The following IL2 variants were observed in gnomAD, a reference collection of about 807,000 sequenced individuals.
The protein encoded by IL2 is interleukin-2.
Under a neutral mutation model 14.6 loss-of-function variants are expected in IL2, and 3 were observed. The observed-to-expected ratio is 0.21, with a 90% CI of 0.09 to 0.53. The LOEUF is 0.53. Among genes scored for constraint, IL2 ranks in the 20% least tolerant of loss-of-function variants. IL2 has a pLI of 0.95. For synonymous variants in IL2, 71 were observed against 60.0 expected (o/e 1.18, Z -0.85); for missense variants, 125 against 170.8 (o/e 0.73, Z 1.50).
chr4:122,452,667 A>G (rs1275708998), intron 3 of IL2, among the ~76,000 whole-genome samples: 3 of 152,016 alleles, frequency 2.0e-5, no homozygotes, highest in African/African-American at 7.2e-5. Flanking sequence ...AGCAGGTGAG[A>G]TAGAGTGTTC....
At chr4:122,454,754 A>G (rs1560620681) in intron 2 of IL2, among the ~76,000 whole-genome samples, 1 of 151,846 alleles carries the variant, frequency 6.6e-6, no homozygotes, top group Non-Finnish European at 1.5e-5. Flanking sequence ...AGTTTCTAAA[A>G]TCTTTTGTAA....
intron 3 of IL2, among the ~76,000 whole-genome samples, chr4:122,452,535 G>T (rs910559062): frequency 6.6e-6 from 1 of 151,984 alleles, no homozygotes; most frequent in Admixed American, 6.6e-5. Context: ...AGGCTTCTCT[G>T]CTGAAAGGAG....
intron 3 of IL2, among the ~76,000 whole-genome samples, chr4:122,453,166 G>A (rs1797692985): frequency 6.6e-6 from 1 of 151,760 alleles, no homozygotes; most frequent in Admixed American, 6.6e-5. Flanking sequence ...TGCTTCCTGT[G>A]CATTTAAAAA....
intron 2 of IL2, among the ~76,000 whole-genome samples, chr4:122,455,016 T>G (rs1376893474): frequency 1.3e-5 from 2 of 151,844 alleles, no homozygotes; most frequent in Admixed American, 1.3e-4. Context: ...GTGGAGAAAT[T>G]TTCTTCAGAA....
rs763308059 is a variant in IL2, at chr4:122,456,488, AG to A, written c.-49del. The A allele has an allele frequency of 2.0e-6, 3 of 1,475,836 alleles. No individual in the cohort carries two copies. Among genetic ancestry groups the A allele is most frequent in the African/African-American group, 1.4e-5 (1 of 71,390 alleles). The allele number at this position is 1,475,836 out of a possible 1,614,324, so 91.4% of individuals were successfully genotyped here. On this transcript the variant is annotated 5_prime_UTR_variant, in exon 1 of 4. Transcript: ENST00000226730. Reference sequence around the variant, plus strand: ...GTGAGTAGTGATTAAAGAGAGTGATAGGGAACTCTTGAACAAGAGATGCAAT... The same window carrying A: ...GTGAGTAGTGATTAAAGAGAGTGATAGGAACTCTTGAACAAGAGATGCAAT...
At position 122,451,856 on chromosome 4, in the gene IL2, C is replaced by A; in HGVS notation, c.358G>T (p.Glu120Ter). The change falls in exon 4 of 4, where the codon GAA (glutamate) becomes TAA (stop). Residue 120 changes from glutamate to a stop codon, truncating the protein, a stop_gained. Transcript: ENST00000226730. LOFTEE classifies it low-confidence loss of function (END_TRUNC). ...NVIVLELKGS[E>*]TTFMCEYADE... ...GCATATTCACACATGAATGTTGTTT[C>A]AGATCCCTATAAAAGAAAAATGTTA... is the stretch of plus-strand genomic sequence containing the variant. 1 of 1,554,148 alleles carries A rather than the reference C, an allele frequency of 6.4e-7. No individual in the cohort carries two copies. Among genetic ancestry groups the A allele is most frequent in the Non-Finnish European group, 8.8e-7 (1 of 1,138,104 alleles).
At chr4:122,456,245 G>GCTAGATTACTAAATGTAA in intron 1 of IL2, 42 bp from the exon 2 acceptor site, 2 of 1,590,670 alleles carry the variant, frequency 1.3e-6, no homozygotes, top group Non-Finnish European at 1.7e-6. Flanking sequence ...ATGATCTCCA[G>GCTAGATTACTAAATGTAA]CTAGATTACT....
At chr4:122,455,588 A>G (rs1158867402) in intron 2 of IL2, among the ~76,000 whole-genome samples, 1 of 151,952 alleles carries the variant, frequency 6.6e-6, no homozygotes, top group East Asian at 1.9e-4. Flanking sequence ...CATATTAAGT[A>G]TATACAGTTA....
intron 2 of IL2, among the ~76,000 whole-genome samples, chr4:122,454,661 T>C (rs1797712169): frequency 6.6e-6 from 1 of 151,866 alleles, no homozygotes; most frequent in Admixed American, 6.6e-5. Context: ...TTTGACCACA[T>C]AAGTAGGTAG....
rs1430638344 is a variant in IL2, at chr4:122,451,855, T to G, written c.359A>C (p.Glu120Ala). ...NVIVLELKGS[E>A]TTFMCEYADE... ...AGCATATTCACACATGAATGTTGTT[T>G]CAGATCCCTATAAAAGAAAAATGTT... The change falls in exon 4 of 4, where the codon GAA (glutamate) becomes GCA (alanine). Residue 120 changes from glutamate (E) to alanine (A), a missense_variant. Transcript: ENST00000226730. 6.4e-7 allele frequency: 1 copy of G among 1,558,390 alleles called. No homozygotes were observed.
chr4:122,454,739 T>G (rs1560620668), intron 2 of IL2, among the ~76,000 whole-genome samples: 2 of 151,990 alleles, frequency 1.3e-5, no homozygotes, highest in South Asian at 4.1e-4. Context: ...TCAAATATTT[T>G]TATTAGTTTC....
At chr4:122,453,607 T>A in intron 3 of IL2, 103 bp downstream of exon 3, 2 of 894,620 alleles carry the variant, frequency 2.2e-6, no homozygotes, top group Non-Finnish European at 3.5e-6. Context: ...CATGCATGGG[T>A]ACTTTACAAA....
intron 3 of IL2, among the ~76,000 whole-genome samples, chr4:122,452,161 C>T (rs1797683372): frequency 6.6e-6 from 1 of 152,038 alleles, no homozygotes; most frequent in Non-Finnish European, 1.5e-5. Context: ...TAGATCTAGA[C>T]AAATATTAAA....
Position 122,456,226 on chromosome 4 carries a change from T to A in IL2, c.148-23A>T, listed in dbSNP as rs2069764. 651 of 1,602,122 alleles carry A rather than the reference T, an allele frequency of 4.1e-4. 4 individuals are homozygous for A. The African/African-American group carries it at 7.7e-3, about 19-fold the overall frequency. ...ATTCTAAGAAAGTATAATGCATTGT[T>A]ATTAAGAAATGATCTCCAGCTAGAT... On this transcript the variant is annotated intron_variant, in intron 1 of 3. Transcript: ENST00000226730.
intron 2 of IL2, among the ~76,000 whole-genome samples, chr4:122,454,562 A>G (rs1797711248): frequency 6.6e-6 from 1 of 151,778 alleles, no homozygotes; most frequent in Non-Finnish European, 1.5e-5. Context: ...TTTCTCCAAA[A>G]TAGGCCCATT....
chr4:122,454,409 C>A (rs1214799286), intron 2 of IL2, among the ~76,000 whole-genome samples: 1 of 151,740 alleles, frequency 6.6e-6, no homozygotes, highest in East Asian at 1.9e-4. Context: ...TCTACAATCA[C>A]TACATTAAGA....
chr4:122,453,623 A>G (rs1797698275), intron 3 of IL2, 87 bp downstream of exon 3: 3 of 1,194,648 alleles, frequency 2.5e-6, no homozygotes, highest in African/African-American at 1.5e-5. Context: ...ACAAATACCA[A>G]AAATGTTATG....
At position 122,453,884 on chromosome 4, in the gene IL2, A is replaced by G. The variant is rs780010396; in HGVS notation, c.208-31T>C. The G allele has an allele frequency of 5.1e-6, 8 of 1,569,972 alleles. No homozygotes were observed. The East Asian group carries it at 1.6e-4, about 31-fold the overall frequency. The stretch of plus-strand genomic sequence containing the variant: ...ATAATAATTATCATCAGCTCAGTTT[A>G]CATAGAGGTCAGAATCAGAAATTAA... On this transcript the variant is annotated intron_variant, in intron 2 of 3. Transcript: ENST00000226730.
At chr4:122,452,221 T>C (rs886257590) in intron 3 of IL2, among the ~76,000 whole-genome samples, 1 of 152,112 alleles carries the variant, frequency 6.6e-6, no homozygotes, top group African/African-American at 2.4e-5. Flanking sequence ...TGTACACCTA[T>C]ATTTGTGTAA....
Sources: allele counts gnomAD v4.1 joint callset (sites outside exome capture counted in the v4.1 genomes callset), GRCh38; gene constraint gnomAD v4.1.1; transcripts MANE v1.5; gene names NCBI Gene and HGNC (gene_info 2026-07-23, HGNC 2026-07-21).